The following MAP4K3 variants were observed in gnomAD, a reference collection of about 807,000 sequenced individuals.
MAP4K3 encodes mitogen-activated protein kinase kinase kinase kinase 3, also known as MAPK/ERK kinase kinase kinase 3.
MAP4K3 carries 94 observed loss-of-function variants against 143.5 expected under a neutral mutation model. The ratio of observed to expected loss-of-function variants is 0.65; its 90% CI spans 0.55 to 0.78. The LOEUF (loss-of-function observed/expected upper bound fraction) is 0.78, where lower values mean the gene tolerates loss of function less well. Among genes scored for constraint, MAP4K3 ranks in the 30% least tolerant of loss-of-function variants. The probability of loss-of-function intolerance (pLI) is 0.00; values close to 1 mark genes in which losing one functional copy is unlikely to be tolerated. For synonymous variants in MAP4K3, 416 were observed against 347.2 expected (o/e 1.20, Z -2.20); for missense variants, 1,077 against 1,068.1 (o/e 1.01, Z -0.12).
chr2:39,260,489 A>G (rs1231359558), intron 29 of MAP4K3, 117 bp downstream of exon 29: 1 of 740,998 alleles, frequency 1.3e-6, no homozygotes, highest in South Asian at 1.8e-5. Context: ...CAGTTTAATA[A>G]TAGTTATTGA....
chr2:39,412,059 T>G (rs1667246290), intron 1 of MAP4K3, among the ~76,000 whole-genome samples: 1 of 152,354 alleles, frequency 6.6e-6, no homozygotes, highest in East Asian at 1.9e-4. Context: ...TTCTGTGGAA[T>G]TGGAATATTA....
chr2:39,314,473 C>T (rs1015556076), intron 13 of MAP4K3, among the ~76,000 whole-genome samples: 3 of 152,132 alleles, frequency 2.0e-5, no homozygotes, highest in Admixed American at 6.5e-5. Flanking sequence ...AAATTTAAAA[C>T]GTGACTTCAG....
Position 39,262,491 on chromosome 2 carries a change from A to G in MAP4K3, c.2137-1714T>C, listed in dbSNP as rs183966855. Reference sequence around the variant, plus strand: ...TTTGAAATAAAGAGCAACGAAGCAGAAAAAAAACCAATGCTTCTGATTAAA... The same window carrying G: ...TTTGAAATAAAGAGCAACGAAGCAGGAAAAAAACCAATGCTTCTGATTAAA... On this transcript the variant is annotated intron_variant, in intron 28 of 33. Coordinates refer to ENST00000263881, the MANE Select transcript of MAP4K3 (RefSeq NM_003618.4). Among the ~76,000 whole-genome samples the G allele has an allele frequency of 1.4e-4, 21 of 152,210 alleles. No homozygotes were observed. In the East Asian group the frequency reaches 1.9e-3, roughly 14 times the overall value.
At position 39,254,772 on chromosome 2, in the gene MAP4K3, T is replaced by G. The variant is rs184136591; in HGVS notation, c.2471-252A>C. Reference sequence around the variant, plus strand: ...TTTTTGTATTTCTAGTAGAAATGGGTTTTTACTTTGTTGGCCAGGCTAGTC... The same window carrying G: ...TTTTTGTATTTCTAGTAGAAATGGGGTTTTACTTTGTTGGCCAGGCTAGTC... On this transcript the variant is annotated intron_variant, in intron 31 of 33. Transcript: ENST00000263881. Among the ~76,000 whole-genome samples, 233 of 152,180 alleles carry G rather than the reference T, an allele frequency of 1.5e-3. 2 individuals carry two copies. Among genetic ancestry groups the G allele is most frequent in the African/African-American group, 5.0e-3 (206 of 41,516 alleles).
At chr2:39,366,390 T>C (rs1665925013) in intron 2 of MAP4K3, among the ~76,000 whole-genome samples, 3 of 152,042 alleles carry the variant, frequency 2.0e-5, no homozygotes, top group African/African-American at 7.2e-5. Flanking sequence ...TGATAAGGGG[T>C]TGCGGAGACC....
At chr2:39,427,346 C>T (rs866314622) in intron 1 of MAP4K3, among the ~76,000 whole-genome samples, 1 of 151,880 alleles carries the variant, frequency 6.6e-6, no homozygotes, top group Non-Finnish European at 1.5e-5. Context: ...AAAATCCTAC[C>T]AAATACAGCT....
chr2:39,369,719 T>C (rs1272912306), intron 2 of MAP4K3, among the ~76,000 whole-genome samples: 1 of 152,232 alleles, frequency 6.6e-6, no homozygotes, highest in Admixed American at 6.5e-5. Context: ...ACAGCTTCTA[T>C]GGAACCCACC....
rs140129627 is a variant in MAP4K3 at position 39,355,259 on chromosome 2, G to A, written c.245+990C>T. On this transcript the variant is annotated intron_variant, in intron 3 of 33. Transcript: ENST00000263881. The stretch of plus-strand genomic sequence containing the variant: ...GGCTGCAGTCCCAGGTACTCAGGAG[G>A]CTGAGGCAGGGGAATCACTTGAACC... Among the ~76,000 whole-genome samples the A allele has an allele frequency of 8.2e-3, 1,241 of 151,558 alleles. 8 individuals carry two copies. Among genetic ancestry groups the A allele is most frequent in the Middle Eastern group, 0.017 (5 of 294 alleles).
intron 12 of MAP4K3, among the ~76,000 whole-genome samples, chr2:39,316,565 A>G (rs1022231045): frequency 4.6e-5 from 7 of 152,094 alleles, no homozygotes; most frequent in African/African-American, 1.7e-4. Flanking sequence ...TGAAAATGAA[A>G]TATTTCATGT....
At chr2:39,350,791 C>A (rs1206873489) in intron 3 of MAP4K3, among the ~76,000 whole-genome samples, 1 of 152,086 alleles carries the variant, frequency 6.6e-6, no homozygotes, top group African/African-American at 2.4e-5. Flanking sequence ...ATGCTCAGTC[C>A]CTTAGGTCCT....
intron 15 of MAP4K3, among the ~76,000 whole-genome samples, chr2:39,301,082 A>G (rs1345488574): frequency 6.6e-6 from 1 of 151,352 alleles, no homozygotes; most frequent in Non-Finnish European, 1.5e-5. Context: ...TAAGCAATAC[A>G]TTACATTTAA....
chr2:39,276,211 T>A (rs566212335), intron 24 of MAP4K3, among the ~76,000 whole-genome samples: 1 of 152,220 alleles, frequency 6.6e-6, no homozygotes, highest in East Asian at 1.9e-4. Context: ...TAGTCACACA[T>A]CCCGAAGGCA....
intron 23 of MAP4K3, 87 bp downstream of exon 23, chr2:39,280,185 C>G (rs1320392206): frequency 2.7e-6 from 2 of 748,944 alleles, no homozygotes; most frequent in Non-Finnish European, 4.2e-6. Context: ...CAGAAAGATA[C>G]TCAGAAAATA....
chr2:39,352,933 T>C (rs1459294129), intron 3 of MAP4K3, among the ~76,000 whole-genome samples: 1 of 152,200 alleles, frequency 6.6e-6, no homozygotes, highest in Non-Finnish European at 1.5e-5. Context: ...AATGTTGCAA[T>C]GAACAGTATA....
At chr2:39,329,045 GGA>G (rs1203663976) in intron 8 of MAP4K3, among the ~76,000 whole-genome samples, 6 of 152,102 alleles carry the variant, frequency 3.9e-5, no homozygotes, top group African/African-American at 1.4e-4. Flanking sequence ...ACAGATACAG[GGA>G]GAGTGTTCCC....
At chr2:39,429,248 A>T (rs1308457694) in intron 1 of MAP4K3, among the ~76,000 whole-genome samples, 1 of 152,154 alleles carries the variant, frequency 6.6e-6, no homozygotes, top group African/African-American at 2.4e-5. Context: ...TTTCACTGCA[A>T]TATTAGTAGG....
chr2:39,288,698 C>A (rs962872689), intron 19 of MAP4K3, among the ~76,000 whole-genome samples: 12 of 152,194 alleles, frequency 7.9e-5, no homozygotes, highest in African/African-American at 2.7e-4. Context: ...TTAGATGACT[C>A]AATGTCTTTA....
chr2:39,309,548 A>ATTTTTTTTT (rs749101883), intron 13 of MAP4K3, 29 bp from the exon 14 acceptor site: 39 of 339,374 alleles, frequency 1.1e-4, no homozygotes, highest in South Asian at 5.9e-4. Context: ...TAAAACCAGG[A>ATTTTTTTTT]TTTTTTTTTT....
intron 29 of MAP4K3, among the ~76,000 whole-genome samples, 194 bp from the exon 30 acceptor site, chr2:39,258,781 A>T (rs1236184110): frequency 1.3e-5 from 2 of 152,258 alleles, no homozygotes; most frequent in Admixed American, 6.5e-5. Context: ...TGCTCAACAG[A>T]GCATATGTTG....
Sources: gnomAD v4.1 joint callset for allele counts (sites outside exome capture counted in the v4.1 genomes callset) on GRCh38, gnomAD v4.1.1 for gene constraint, MANE v1.5 for transcripts, NCBI Gene and HGNC (gene_info 2026-07-23, HGNC 2026-07-21) for gene names.